MACF1: variants seen among roughly 807,000 people sequenced by gnomAD.
MACF1 encodes microtubule actin crosslinking factor 1, also known as microtubule-actin cross-linking factor 1.
In MACF1, 193 loss-of-function variants were observed where a neutral mutation model predicts 854.8. That is an observed-to-expected ratio of 0.23 (90% CI 0.20 to 0.25). MACF1 has a LOEUF of 0.25. MACF1 is among the 10% of genes least tolerant of loss of function. The pLI is 1.00. For missense variants in MACF1, 7,722 were observed against 8,929.1 expected, an observed-to-expected ratio of 0.86 and a Z score of 5.45; for synonymous variants, 3,185 against 3,226.7, an observed-to-expected ratio of 0.99 and a Z score of 0.44.
intron 58 of MACF1, among the ~76,000 whole-genome samples, chr1:39,418,975 G>T (rs981763241): frequency 2.0e-5 from 3 of 152,240 alleles, no homozygotes; most frequent in African/African-American, 7.2e-5. Context: ...TTTTACTAGT[G>T]TACTTCTTTG....
At chr1:39,295,493 T>C (rs1488542625) in intron 19 of MACF1, among the ~76,000 whole-genome samples, 1 of 152,168 alleles carries the variant, frequency 6.6e-6, no homozygotes, top group Non-Finnish European at 1.5e-5. Flanking sequence ...AGAGAAACAG[T>C]GGAAGAATTC....
chr1:39,167,397 C>T (rs1571125215), intron 2 of MACF1, among the ~76,000 whole-genome samples: 1 of 150,972 alleles, frequency 6.6e-6, no homozygotes, highest in Non-Finnish European at 1.5e-5. Flanking sequence ...ATGGTGAAAC[C>T]CCATCTCTAC....
chr1:39,102,686 C>T, intron 2 of MACF1: 1 of 689,746 alleles, frequency 1.4e-6, no homozygotes, highest in South Asian at 1.5e-5. Context: ...CCTTGTATTA[C>T]TCTTCTCTTC....
chr1:39,442,348 G>GAACT, intron 76 of MACF1, 28 bp downstream of exon 76: 3 of 1,601,476 alleles, frequency 1.9e-6, no homozygotes, highest in Non-Finnish European at 2.6e-6. Context: ...TGACATCAGT[G>GAACT]AACTACTCTC....
chr1:39,087,352 C>T (rs538641152), intron 2 of MACF1, among the ~76,000 whole-genome samples: 4 of 152,356 alleles, frequency 2.6e-5, no homozygotes, highest in South Asian at 2.1e-4. Context: ...GGTCTTAGGG[C>T]CTCGCCCTTG....
At chr1:39,092,635 A>G (rs751556273) in intron 2 of MACF1, among the ~76,000 whole-genome samples, 52 of 152,346 alleles carry the variant, frequency 3.4e-4, no homozygotes, top group Non-Finnish European at 6.8e-4. Context: ...ACTTTTCAGG[A>G]TATTTCAAAC....
chr1:39,424,087 A>T lies in MACF1; in HGVS notation c.16209A>T (p.Gly5403=). 1 of 1,612,524 alleles carries T rather than the reference A, an allele frequency of 6.2e-7. No individual in the cohort carries two copies. Among genetic ancestry groups the T allele is most frequent in the Non-Finnish European group, 8.5e-7 (1 of 1,179,756 alleles). ...CAGTAGACATGCTTCAAGCAGAAGG[A>T]GGCAGAATAGCCCAGTCAGCAGAGC... is the stretch of plus-strand genomic sequence containing the variant. ...KATVDMLQAE[G]GRIAQSAELA... Residue 5403 remains glycine (G), a synonymous_variant, in exon 61 of 101, where the codon GGA becomes GGT. Transcript: ENST00000564288.
At chr1:39,165,513 T>C (rs528282546) in intron 2 of MACF1, among the ~76,000 whole-genome samples, 1 of 152,328 alleles carries the variant, frequency 6.6e-6, no homozygotes, top group South Asian at 2.1e-4. Flanking sequence ...GTGTATTTTT[T>C]TTGTTACAAC....
At chr1:39,417,332 C>T (rs1188603191) in intron 58 of MACF1, among the ~76,000 whole-genome samples, 1 of 151,044 alleles carries the variant, frequency 6.6e-6, no homozygotes, top group African/African-American at 2.4e-5. Flanking sequence ...TAATCCCAGC[C>T]ACTGGTTCAA....
At position 39,429,276 on chromosome 1, in the gene MACF1, A is replaced by T. The variant is rs761396017; in HGVS notation, c.16838A>T (p.Asn5613Ile). 30 of 1,582,304 alleles carry T rather than the reference A, an allele frequency of 1.9e-5. No individual in the cohort carries two copies. In the East Asian group the frequency reaches 6.3e-4, roughly 33 times the overall value. Residue 5613 changes from asparagine (N) to isoleucine (I), a missense_variant, in exon 64 of 101, where the codon AAT (asparagine) becomes ATT (isoleucine). Around this residue, in one of 15 missense-constraint regions of MACF1, gnomAD observed 2,807 missense variants for 3,235.8 expected, o/e 0.87. Transcript: ENST00000564288. ...LNEEIVNRKKNVDQAIKNGQA... is the reference protein window; with the variant it reads ...LNEEIVNRKKIVDQAIKNGQA... The stretch of plus-strand genomic sequence containing the variant: ...GAAGAAATTGTTAATAGAAAGAAGA[A>T]TGTAGATCAAGCTATTAAAAATGGT...
intron 2 of MACF1, among the ~76,000 whole-genome samples, chr1:39,129,720 T>C (rs1468075871): frequency 1.3e-5 from 2 of 152,212 alleles, no homozygotes; most frequent in African/African-American, 4.8e-5. Context: ...TTTCTATTCC[T>C]GCTAACTCCT....
At chr1:39,461,750 C>G in intron 92 of MACF1, 133 bp from the exon 93 acceptor site, 1 of 608,178 alleles carries the variant, frequency 1.6e-6, no homozygotes, top group Non-Finnish European at 2.7e-6. Flanking sequence ...CGAGATTGCA[C>G]CACTGCACTC....
chr1:39,292,736 T>C (rs777221693), intron 16 of MACF1, 30 bp from the exon 17 acceptor site: 11 of 1,472,836 alleles, frequency 7.5e-6, no homozygotes, highest in Non-Finnish European at 1.0e-5. Flanking sequence ...CTTTCTCTAA[T>C]GTATTTTTAT....
intron 6 of MACF1, among the ~76,000 whole-genome samples, chr1:39,261,230 C>T (rs1645160533): frequency 6.6e-6 from 1 of 152,130 alleles, no homozygotes; most frequent in Admixed American, 6.5e-5. Flanking sequence ...TGTATCTTCC[C>T]ATTCTCTGTA....
chr1:39,112,087 C>CTTTTT lies in MACF1; in HGVS notation c.220+27662_220+27666dup, dbSNP rs569400137. On this transcript the variant is annotated intron_variant, in intron 2 of 93. Transcript: ENST00000361689. ...CCTCTCCCTTCCTGATTATTCAAAT[C>CTTTTT]TTTTTTTTTTTTTTTTTGAAACAGA... 3.8e-3 allele frequency among the ~76,000 whole-genome samples: 507 copies of CTTTTT among 133,588 alleles called. 6 individuals carry two copies. The highest frequency in any genetic ancestry group is 5.9e-3 in the Non-Finnish European group (371 of 62,824). The allele number at this position is 133,588 out of a possible 152,430, so 87.6% of individuals were successfully genotyped here. A position where few individuals can be genotyped will look rare whatever the true frequency, so the allele number is the denominator to read the frequency against.
chr1:39,134,785 A>G (rs1643122119), intron 2 of MACF1, among the ~76,000 whole-genome samples: 1 of 152,218 alleles, frequency 6.6e-6, no homozygotes, highest in African/African-American at 2.4e-5. Context: ...ATGATAAAAT[A>G]CACTAATATA....
At chr1:39,253,211 C>T (rs767308739) in intron 4 of MACF1, among the ~76,000 whole-genome samples, 2 of 152,092 alleles carry the variant, frequency 1.3e-5, no homozygotes, top group Non-Finnish European at 2.9e-5. Context: ...GAGCCTTGGA[C>T]GGGGTACCAG....
chr1:39,300,181 G>A (rs1198840165), intron 21 of MACF1, 29 bp from the exon 22 acceptor site: 2 of 1,609,924 alleles, frequency 1.2e-6, no homozygotes, highest in East Asian at 2.2e-5. Context: ...CAGCATTAAT[G>A]TCATTTTGTT....
chr1:39,443,058 AG>A, intron 78 of MACF1, 147 bp downstream of exon 78: 1 of 752,304 alleles, frequency 1.3e-6, no homozygotes, highest in South Asian at 1.9e-5. Flanking sequence ...TTATCTAGAA[AG>A]AGCAGCTTTT....
Sources: allele counts gnomAD v4.1 joint callset (sites outside exome capture counted in the v4.1 genomes callset), GRCh38; gene constraint gnomAD v4.1.1; regional missense constraint gnomAD v4.1.1; transcripts MANE v1.5; gene names NCBI Gene and HGNC (gene_info 2026-07-23, HGNC 2026-07-21).